HS6ST3: variants seen among roughly 807,000 people sequenced by gnomAD.
HS6ST3 encodes the protein heparan sulfate 6-O-sulfotransferase 3.
Under a neutral mutation model 36.7 loss-of-function variants are expected in HS6ST3, and 12 were observed. The observed-to-expected ratio is 0.33, with a 90% confidence interval of 0.21 to 0.53. The LOEUF (loss-of-function observed/expected upper bound fraction) is 0.53, where lower values mean the gene tolerates loss of function less well. Among genes scored for constraint, HS6ST3 ranks in the 20% least tolerant of loss-of-function variants. The probability of loss-of-function intolerance (pLI) is 0.95; values close to 1 mark genes in which losing one functional copy is unlikely to be tolerated. For synonymous variants in HS6ST3, 240 were observed against 257.5 expected (o/e 0.93, Z 0.65); for missense variants, 584 against 640.9 (o/e 0.91, Z 0.96).
At chr13:96,441,788 A>C (rs917980125) in intron 1 of HS6ST3, among the ~76,000 whole-genome samples, 11 of 152,196 alleles carry the variant, frequency 7.2e-5, no homozygotes, top group African/African-American at 2.7e-4. Context: ...TAAATTTTTA[A>C]GATAGCTGTG....
chr13:96,145,929 G>GT (rs2054055824), intron 1 of HS6ST3, among the ~76,000 whole-genome samples: 1 of 152,162 alleles, frequency 6.6e-6, no homozygotes, highest in Admixed American at 6.5e-5. Context: ...CCCATTTCTT[G>GT]TTTTTGTCAG....
intron 1 of HS6ST3, among the ~76,000 whole-genome samples, chr13:96,144,379 A>T (rs1407012470): frequency 3.3e-5 from 5 of 152,104 alleles, no homozygotes; most frequent in Non-Finnish European, 4.4e-5. Context: ...CATTACTAAC[A>T]TAATTCTATG....
intron 1 of HS6ST3, among the ~76,000 whole-genome samples, chr13:96,563,016 C>T (rs1771247185): frequency 8.4e-6 from 1 of 119,214 alleles, no homozygotes; most frequent in African/African-American, 3.3e-5. Flanking sequence ...CTAGACTGAG[C>T]AATGGAGCCA....
rs183494923 is a variant in HS6ST3, at chr13:96,689,583, T to C, written c.708-142907T>C. 1.6e-3 allele frequency among the ~76,000 whole-genome samples: 231 copies of C among 148,002 alleles called. 1 individual carries two copies. Among genetic ancestry groups the C allele is most frequent in the Non-Finnish European group, 2.6e-3 (178 of 67,390 alleles). Reference sequence around the variant, plus strand: ...AGTCGTCAGGATCACCCATTGTGTTTGTAGTTTTTGCTTTCTTTCTTTCTT... The same window carrying C: ...AGTCGTCAGGATCACCCATTGTGTTCGTAGTTTTTGCTTTCTTTCTTTCTT... On this transcript the variant is annotated intron_variant, in intron 1 of 1. Coordinates refer to ENST00000376705, the MANE Select transcript of HS6ST3 (RefSeq NM_153456.4).
At chr13:96,197,602 C>T (rs1437348908) in intron 1 of HS6ST3, among the ~76,000 whole-genome samples, 1 of 152,114 alleles carries the variant, frequency 6.6e-6, no homozygotes, top group Non-Finnish European at 1.5e-5. Flanking sequence ...AAGGCAAGTC[C>T]CTTCTGCCTA....
intron 1 of HS6ST3, among the ~76,000 whole-genome samples, chr13:96,503,445 TA>T (rs776385693): frequency 8.5e-5 from 13 of 152,178 alleles, no homozygotes; most frequent in Non-Finnish European, 1.2e-4. Context: ...AAGGAAAGGA[TA>T]GGAGAGTGTA....
At chr13:96,614,894 C>A (rs2056468861) in intron 1 of HS6ST3, among the ~76,000 whole-genome samples, 1 of 152,210 alleles carries the variant, frequency 6.6e-6, no homozygotes, top group Non-Finnish European at 1.5e-5. Flanking sequence ...GTTTTCATCT[C>A]AAATACATTT....
At chr13:96,254,320 A>G (rs1329511723) in intron 1 of HS6ST3, among the ~76,000 whole-genome samples, 68 of 144,884 alleles carry the variant, frequency 4.7e-4, no homozygotes, top group Admixed American at 4.9e-4. Context: ...AGGCTGAGGC[A>G]GGAGAATTGC....
At chr13:96,290,950 G>A (rs77751767) in intron 1 of HS6ST3, among the ~76,000 whole-genome samples, 5,533 of 152,164 alleles carry the variant, frequency 0.036, 366 homozygotes, top group African/African-American at 0.13. Context: ...TGCTGGTAAT[G>A]CCCTTCTCTG....
intron 1 of HS6ST3, among the ~76,000 whole-genome samples, chr13:96,475,612 CAA>C (rs1251970502): frequency 3.3e-5 from 3 of 91,558 alleles, no homozygotes; most frequent in Admixed American, 1.2e-4. Flanking sequence ...GGAGTACTAC[CAA>C]AAAAAAAAAA....
At chr13:96,777,935 G>T (rs572867611) in intron 1 of HS6ST3, among the ~76,000 whole-genome samples, 15 of 152,004 alleles carry the variant, frequency 9.9e-5, no homozygotes, top group African/African-American at 3.6e-4. Context: ...ACTACAAGGC[G>T]ACAGTAACCA....
chr13:96,756,308 G>A (rs925267086), intron 1 of HS6ST3, among the ~76,000 whole-genome samples: 1 of 151,952 alleles, frequency 6.6e-6, no homozygotes, highest in Admixed American at 6.6e-5. Flanking sequence ...CCAATCTGTG[G>A]CTTGCATTTT....
At chr13:96,413,711 G>A (rs887668972) in intron 1 of HS6ST3, among the ~76,000 whole-genome samples, 15 of 152,168 alleles carry the variant, frequency 9.9e-5, no homozygotes, top group East Asian at 1.9e-4. Context: ...AGGCTTGAAT[G>A]CCTATCGTGA....
chr13:96,388,277 G>A (rs9556582), intron 1 of HS6ST3, among the ~76,000 whole-genome samples: 75,995 of 152,012 alleles, frequency 0.5, 19,411 homozygotes, highest in Middle Eastern at 0.61. Flanking sequence ...TCTAAGAGCA[G>A]TCAGTCCATG....
chr13:96,092,248 C>G (rs1353422237), intron 1 of HS6ST3, among the ~76,000 whole-genome samples: 1 of 152,204 alleles, frequency 6.6e-6, no homozygotes, highest in Non-Finnish European at 1.5e-5. Flanking sequence ...ATTACATCAA[C>G]TTATTCCAAA....
chr13:96,714,284 A>T (rs1391223163), intron 1 of HS6ST3, among the ~76,000 whole-genome samples: 1 of 152,218 alleles, frequency 6.6e-6, no homozygotes, highest in Admixed American at 6.5e-5. Context: ...TATGATACGG[A>T]TAACTTCTAC....
intron 1 of HS6ST3, among the ~76,000 whole-genome samples, chr13:96,334,276 C>T (rs1178161462): frequency 6.6e-6 from 1 of 151,980 alleles, no homozygotes; most frequent in South Asian, 2.1e-4. Context: ...GGGGGTGGAT[C>T]CTCCCAATAG....
At chr13:96,769,301 AT>A (rs1566449207) in intron 1 of HS6ST3, among the ~76,000 whole-genome samples, 2 of 151,910 alleles carry the variant, frequency 1.3e-5, no homozygotes. Context: ...TTATTTATTT[AT>A]TTTTTTATTA....
chr13:96,178,404 G>A (rs1207054140), intron 1 of HS6ST3, among the ~76,000 whole-genome samples: 2 of 152,054 alleles, frequency 1.3e-5, no homozygotes, highest in East Asian at 3.9e-4. Flanking sequence ...TTCACTTGAG[G>A]GTGTTTGAGG....
Sources: gnomAD v4.1 joint callset for allele counts (sites outside exome capture counted in the v4.1 genomes callset) on GRCh38, gnomAD v4.1.1 for gene constraint, MANE v1.5 for transcripts, NCBI Gene and HGNC (gene_info 2026-07-23, HGNC 2026-07-21) for gene names.